The following RALGAPA2 variants were observed in gnomAD, a reference collection of about 807,000 sequenced individuals.
RALGAPA2 encodes ral GTPase-activating protein subunit alpha-2.
In RALGAPA2, 139 loss-of-function variants were observed where a neutral mutation model predicts 230.4. That is an observed-to-expected ratio of 0.60 (90% CI 0.53 to 0.69). The LOEUF is 0.69. Ranked by LOEUF, RALGAPA2 falls within the 30% of genes least tolerant of loss-of-function variation. RALGAPA2 has a pLI of 0.00. For synonymous variants in RALGAPA2, 847 were observed against 837.8 expected (o/e 1.01, Z -0.19); for missense variants, 2,163 against 2,276.0 (o/e 0.95, Z 1.01).
At chr20:20,460,634 T>C (rs933255963) in intron 37 of RALGAPA2, among the ~76,000 whole-genome samples, 14 of 152,208 alleles carry the variant, frequency 9.2e-5, no homozygotes, top group Non-Finnish European at 8.8e-5. Flanking sequence ...TTGCTTTATG[T>C]TTCCCCTAAA....
At chr20:20,669,318 A>G (rs1438390723) in intron 3 of RALGAPA2, among the ~76,000 whole-genome samples, 2 of 152,220 alleles carry the variant, frequency 1.3e-5, no homozygotes, top group Admixed American at 6.5e-5. Context: ...TGAATTAACT[A>G]TATTGTCTTA....
chr20:20,697,818 G>A (rs1603252990), intron 1 of RALGAPA2, among the ~76,000 whole-genome samples: 1 of 152,132 alleles, frequency 6.6e-6, no homozygotes, highest in South Asian at 2.1e-4. Context: ...CGGAACCAAA[G>A]GTAGAGACAA....
At position 20,583,225 on chromosome 20, in the gene RALGAPA2, A is replaced by G; in HGVS notation, c.2532T>C (p.Ser844=). The change falls in exon 20 of 40, where the codon AGT becomes AGC. Residue 844 remains serine (S), a splice_region_variant and synonymous_variant. Coordinates refer to ENST00000202677, the MANE Select transcript of RALGAPA2 (RefSeq NM_020343.4). ...TQGKCRERQK[S]ESTNSDTTLG... is the part of the protein sequence containing the mutation. ...GAGTTGTGTCACTGTTGGTACTTTC[A>G]CCTGGTACAATGGAAGAACCAAAGT... is the stretch of plus-strand genomic sequence containing the variant. The G allele has an allele frequency of 6.3e-7, 1 of 1,593,498 alleles. No individual in the cohort carries two copies. Among genetic ancestry groups the G allele is most frequent in the Non-Finnish European group, 8.5e-7 (1 of 1,170,594 alleles).
intron 10 of RALGAPA2, among the ~76,000 whole-genome samples, chr20:20,622,633 G>C (rs2066358093): frequency 6.6e-6 from 1 of 152,124 alleles, no homozygotes; most frequent in Non-Finnish European, 1.5e-5. Flanking sequence ...GCAAAATACA[G>C]ACATTTTCAG....
At chr20:20,466,907 C>G (rs2061432148) in intron 37 of RALGAPA2, among the ~76,000 whole-genome samples, 1 of 152,218 alleles carries the variant, frequency 6.6e-6, no homozygotes, top group South Asian at 2.1e-4. Flanking sequence ...GCCTGGAAGT[C>G]TCTCATCTGT....
rs564715051 is a variant in RALGAPA2, at chr20:20,536,002, G to C, written c.3415-199C>G. On this transcript the variant is annotated intron_variant, in intron 25 of 39. Coordinates refer to ENST00000202677, the MANE Select transcript of RALGAPA2 (RefSeq NM_020343.4). Reference sequence around the variant, plus strand: ...TGGTAGAAGATGGGGGTCTCCACAGGGCCTCCTTAGGCCATTCAGCCCGCG... The same window carrying C: ...TGGTAGAAGATGGGGGTCTCCACAGCGCCTCCTTAGGCCATTCAGCCCGCG... 4.6e-5 allele frequency among the ~76,000 whole-genome samples: 7 copies of C among 152,314 alleles called. No homozygotes were observed. In the East Asian group the frequency reaches 1.4e-3, roughly 29 times the overall value.
At chr20:20,492,768 T>C (rs2062096811) in intron 36 of RALGAPA2, among the ~76,000 whole-genome samples, 2 of 152,320 alleles carry the variant, frequency 1.3e-5, no homozygotes, top group African/African-American at 2.4e-5. Flanking sequence ...GCATTCATAC[T>C]AACAGACTTA....
chr20:20,447,068 A>G (rs188378908), intron 37 of RALGAPA2, among the ~76,000 whole-genome samples: 274 of 152,374 alleles, frequency 1.8e-3, no homozygotes, highest in African/African-American at 6.2e-3. Context: ...TAAAGCAAAG[A>G]TAACTTTTTT....
Position 20,680,809 on chromosome 20 carries a change from G to T in RALGAPA2, c.107-8C>A, listed in dbSNP as rs2068492055. ...CATTTGCATCCACATTATCTGAAAA[G>T]AAAAAGTTTCCATTTATGACAATTC... is the stretch of plus-strand genomic sequence containing the variant. On this transcript the variant is annotated splice_polypyrimidine_tract_variant and splice_region_variant and intron_variant, in intron 1 of 39. Coordinates refer to ENST00000202677, the MANE Select transcript of RALGAPA2 (RefSeq NM_020343.4). 1.3e-6 allele frequency: 2 copies of T among 1,555,564 alleles called. No individual in the cohort carries two copies. Among genetic ancestry groups the T allele is most frequent in the South Asian group, 2.5e-5 (2 of 80,254 alleles).
chr20:20,644,191 A>T (rs1219529011), intron 4 of RALGAPA2, among the ~76,000 whole-genome samples: 2 of 152,198 alleles, frequency 1.3e-5, no homozygotes, highest in Non-Finnish European at 2.9e-5. Flanking sequence ...TAAATATCTT[A>T]TGTAGCCTCT....
chr20:20,640,564 C>T (rs2066998205), intron 6 of RALGAPA2, 137 bp downstream of exon 6: 1 of 826,048 alleles, frequency 1.2e-6, no homozygotes, highest in Non-Finnish European at 1.9e-6. Context: ...ATGTAAGAAT[C>T]TACAGTGAAT....
chr20:20,513,216 G>C lies in RALGAPA2; in HGVS notation c.4153C>G (p.His1385Asp). ...ARMVMAHLVN[H>D]LGHYPLSGGP... Reference sequence around the variant, plus strand: ...CCACTGAGGGGGTAGTGCCCCAGGTGGTTCACCAGGTGGGCCATCACCATT... The same window carrying C: ...CCACTGAGGGGGTAGTGCCCCAGGTCGTTCACCAGGTGGGCCATCACCATT... Residue 1385 changes from histidine (H) to aspartate (D), a missense_variant, in exon 32 of 40, where the codon CAC becomes GAC. His to Asp is a moderately conservative substitution (Grantham distance 81, BLOSUM62 -1). Coordinates refer to ENST00000202677, the MANE Select transcript of RALGAPA2 (RefSeq NM_020343.4). 6.6e-7 allele frequency: 1 copy of C among 1,513,880 alleles called. No homozygotes were observed. The highest frequency in any genetic ancestry group is 8.8e-7 in the Non-Finnish European group (1 of 1,133,348). The allele number at this position is 1,513,880 out of a possible 1,614,324, so 93.8% of individuals were successfully genotyped here.
chr20:20,687,261 C>A (rs553621941), intron 1 of RALGAPA2, among the ~76,000 whole-genome samples: 114 of 152,308 alleles, frequency 7.5e-4, no homozygotes, highest in African/African-American at 2.7e-3. Flanking sequence ...AGACACAAGA[C>A]AGAAAATGCA....
intron 37 of RALGAPA2, among the ~76,000 whole-genome samples, chr20:20,428,093 T>G (rs1221956942): frequency 6.6e-6 from 1 of 152,252 alleles, no homozygotes; most frequent in Non-Finnish European, 1.5e-5. Context: ...TAACTTTTTA[T>G]GTCTTTATAT....
intron 20 of RALGAPA2, among the ~76,000 whole-genome samples, chr20:20,578,262 T>C (rs893963083): frequency 3.9e-5 from 6 of 152,180 alleles, no homozygotes; most frequent in Non-Finnish European, 7.4e-5. Context: ...ACATTTTACA[T>C]GTAGAGGGTT....
intron 18 of RALGAPA2, 90 bp downstream of exon 18, chr20:20,589,178 A>C: frequency 1.4e-6 from 2 of 1,405,462 alleles, no homozygotes; most frequent in South Asian, 1.7e-5. Context: ...AAAATATTTT[A>C]ATTATCACTG....
At chr20:20,592,264 C>T (rs1216974302) in intron 16 of RALGAPA2, among the ~76,000 whole-genome samples, 1 of 152,204 alleles carries the variant, frequency 6.6e-6, no homozygotes, top group African/African-American at 2.4e-5. Flanking sequence ...GTTAGAGATT[C>T]GTCAAACATC....
At chr20:20,567,268 A>T (rs1181749387) in intron 23 of RALGAPA2, among the ~76,000 whole-genome samples, 1 of 152,252 alleles carries the variant, frequency 6.6e-6, no homozygotes, top group Non-Finnish European at 1.5e-5. Context: ...TGAAATTAAT[A>T]AAAACTGTTT....
Position 20,712,440 on chromosome 20 carries a change from G to C in RALGAPA2, c.41C>G (p.Thr14Ser). ...CTTCTTCGGGTCCAGCACCTTCTGG[G>C]TGGACTTCTTCACATCCCCGTGGCT... ...RRSHGDVKKS[T>S]QKVLDPKKDV... The change falls in exon 1 of 40, where the codon ACC (threonine) becomes AGC (serine). Residue 14 changes from threonine to serine, a missense_variant. Thr to Ser is a moderately conservative substitution (Grantham distance 58). Coordinates refer to ENST00000202677, the MANE Select transcript of RALGAPA2 (RefSeq NM_020343.4). The surrounding 1 kb of genome is among the most constrained non-coding windows in gnomAD (Gnocchi z 5.5). 1 of 1,555,276 alleles carries C rather than the reference G, an allele frequency of 6.4e-7. No homozygotes were observed. The highest frequency in any genetic ancestry group is 8.7e-7 in the Non-Finnish European group (1 of 1,148,902).
Sources: allele counts gnomAD v4.1 joint callset (sites outside exome capture counted in the v4.1 genomes callset), GRCh38; gene constraint gnomAD v4.1.1; non-coding constraint Gnocchi (gnomAD v3.1); transcripts MANE v1.5; gene names NCBI Gene and HGNC (gene_info 2026-07-23, HGNC 2026-07-21).